Variants in AMPH observed in about 807,000 individuals in gnomAD.
The protein encoded by AMPH is amphiphysin.
A neutral mutation model predicts 99.1 loss-of-function variants in AMPH; 49 were observed. The observed-to-expected ratio is 0.49, with a 90% CI of 0.39 to 0.63. AMPH has a LOEUF of 0.63. Among genes scored for constraint, AMPH ranks in the 20% least tolerant of loss-of-function variants. The probability of loss-of-function intolerance (pLI) is 0.00; values close to 1 mark genes in which losing one functional copy is unlikely to be tolerated. For missense variants in AMPH, 759 were observed against 863.4 expected (o/e 0.88, Z 1.52); for synonymous variants, 314 against 317.3 (o/e 0.99, Z 0.11).
chr7:38,601,291 A>G (rs1342793161), intron 1 of AMPH, among the ~76,000 whole-genome samples: 1 of 152,228 alleles, frequency 6.6e-6, no homozygotes, highest in Non-Finnish European at 1.5e-5. Context: ...GGAAGCCCTC[A>G]TTCCCAAGAA....
intron 1 of AMPH, among the ~76,000 whole-genome samples, chr7:38,569,166 G>T (rs1791851983): frequency 6.6e-6 from 1 of 151,640 alleles, no homozygotes. Flanking sequence ...TGCATCATAT[G>T]AAAGTTGAGA....
At chr7:38,482,344 T>C (rs1788318435) in intron 5 of AMPH, among the ~76,000 whole-genome samples, 1 of 152,126 alleles carries the variant, frequency 6.6e-6, no homozygotes, top group Non-Finnish European at 1.5e-5. Flanking sequence ...TCCAAATCTC[T>C]ACATGGTTCA....
chr7:38,487,582 C>T (rs539661095), intron 5 of AMPH, among the ~76,000 whole-genome samples: 4 of 152,118 alleles, frequency 2.6e-5, no homozygotes, highest in African/African-American at 9.6e-5. Flanking sequence ...AGAAGAAAAC[C>T]TAGGCAATAC....
At chr7:38,525,277 TAGAGAG>T (rs66462162) in intron 2 of AMPH, among the ~76,000 whole-genome samples, 2,495 of 86,564 alleles carry the variant, frequency 0.029, 77 homozygotes, top group African/African-American at 0.093. Flanking sequence ...TATATATATA[TAGAGAG>T]AGAGAGAGAG....
At chr7:38,568,478 T>A (rs758026470) in intron 1 of AMPH, among the ~76,000 whole-genome samples, 1 of 152,036 alleles carries the variant, frequency 6.6e-6, no homozygotes, top group Non-Finnish European at 1.5e-5. Flanking sequence ...AAAAAAAGAA[T>A]CCTTCCTTCT....
intron 17 of AMPH, among the ~76,000 whole-genome samples, chr7:38,402,917 C>CA (rs373953939): frequency 1.1e-4 from 17 of 151,670 alleles, no homozygotes; most frequent in African/African-American, 2.2e-4. Context: ...AAAATGAAAA[C>CA]AAAAAAAACT....
At chr7:38,459,305 A>C (rs1217904968) in intron 11 of AMPH, among the ~76,000 whole-genome samples, 3 of 152,160 alleles carry the variant, frequency 2.0e-5, no homozygotes, top group Non-Finnish European at 4.4e-5. Flanking sequence ...TGCAACGCCT[A>C]CCAAAATACC....
intron 17 of AMPH, among the ~76,000 whole-genome samples, chr7:38,410,858 CAG>C (rs1230724892): frequency 1.3e-5 from 2 of 152,164 alleles, no homozygotes; most frequent in African/African-American, 4.8e-5. Flanking sequence ...TGAGGCTGCA[CAG>C]AGTTTCTGTT....
chr7:38,499,789 G>C (rs962129949), intron 3 of AMPH, among the ~76,000 whole-genome samples: 2 of 152,170 alleles, frequency 1.3e-5, no homozygotes, highest in African/African-American at 4.8e-5. Context: ...TTGTGGGAGG[G>C]ACCTGGTGGG....
chr7:38,464,203 A>C, intron 9 of AMPH: 1 of 1,130,514 alleles, frequency 8.8e-7, no homozygotes, highest in Non-Finnish European at 1.2e-6. Flanking sequence ...TTTTCAGATG[A>C]ATTTGTCCCT....
chr7:38,504,667 C>T (rs2129027824), intron 2 of AMPH, among the ~76,000 whole-genome samples: 1 of 152,292 alleles, frequency 6.6e-6, no homozygotes. Context: ...AGCTATGTTT[C>T]TAGAGCTGCT....
rs1453668474 is a variant in AMPH, at chr7:38,631,330, T to C, written c.22A>G (p.Ile8Val). 15 of 1,556,128 alleles carry C rather than the reference T, an allele frequency of 9.6e-6. No homozygotes were observed. Among genetic ancestry groups the C allele is most frequent in the Non-Finnish European group, 1.2e-5 (14 of 1,152,006 alleles). ...CGCTTCTGGACGTTCTTGGCGAAGATGCCCGTCTTGATGTCGGCCATGGCT... is the reference window on the plus strand; with the variant it reads ...CGCTTCTGGACGTTCTTGGCGAAGACGCCCGTCTTGATGTCGGCCATGGCT... Reference protein sequence around the residue: MADIKTGIFAKNVQKRLN... With the variant: MADIKTGVFAKNVQKRLN... Residue 8 changes from isoleucine to valine, a missense_variant, in exon 1 of 21, where the codon ATC (isoleucine) becomes GTC (valine). Physicochemically the swap from Ile to Val is conservative, Grantham distance 29. Transcript: ENST00000356264.
chr7:38,386,310 C>T (rs1226379660), intron 20 of AMPH, among the ~76,000 whole-genome samples: 1 of 152,060 alleles, frequency 6.6e-6, no homozygotes, highest in Admixed American at 6.5e-5. Flanking sequence ...GGTCATTTTT[C>T]CCCCACAAGT....
intron 19 of AMPH, 144 bp from the exon 20 acceptor site, chr7:38,390,049 G>T: frequency 1.5e-6 from 1 of 646,308 alleles, no homozygotes; most frequent in Non-Finnish European, 2.7e-6. Flanking sequence ...AGCCAGAAGG[G>T]AAGTCCTATT....
At chr7:38,399,279 G>C (rs1784776599) in intron 17 of AMPH, among the ~76,000 whole-genome samples, 1 of 152,186 alleles carries the variant, frequency 6.6e-6, no homozygotes, top group Admixed American at 6.5e-5. Context: ...AACAGAGAAG[G>C]ATCATCCACT....
At position 38,435,709 on chromosome 7, in the gene AMPH, A is replaced by G. The variant is rs1198793870; in HGVS notation, c.1134+563T>C. 2.6e-5 allele frequency among the ~76,000 whole-genome samples: 4 copies of G among 152,306 alleles called. No individual in the cohort carries two copies. In the South Asian group the frequency reaches 8.3e-4, roughly 32 times the overall value. On this transcript the variant is annotated intron_variant, in intron 12 of 20. Transcript: ENST00000356264. ...GAGTGTGAGGGAGTGGTGAGCAAAA[A>G]GGCTTGGGGAAGCAAGGCGACTCTC...
intron 5 of AMPH, among the ~76,000 whole-genome samples, chr7:38,479,358 T>C (rs28862715): frequency 0.042 from 6,337 of 151,920 alleles, 192 homozygotes; most frequent in Non-Finnish European, 0.066. Flanking sequence ...TTTACAAAAG[T>C]GAAGATGAAA....
At chr7:38,538,008 C>T (rs1039399702) in intron 1 of AMPH, among the ~76,000 whole-genome samples, 2 of 152,140 alleles carry the variant, frequency 1.3e-5, no homozygotes, top group African/African-American at 2.4e-5. Flanking sequence ...ACTTGCTCTG[C>T]CAGGAAGACC....
chr7:38,448,753 A>G lies in AMPH; in HGVS notation c.1018-12365T>C, dbSNP rs1040537007. 8.5e-5 allele frequency among the ~76,000 whole-genome samples: 13 copies of G among 152,130 alleles called. 1 individual carries two copies. The highest frequency in any genetic ancestry group is 1.9e-4 in the Non-Finnish European group (13 of 68,020). On this transcript the variant is annotated intron_variant, in intron 11 of 20. Coordinates refer to ENST00000356264, the MANE Select transcript of AMPH (RefSeq NM_001635.4). ...GCAGATCCCTTTACTCACAATCTAG[A>G]CCTATCGATTGTTCTCTCACATTTG...
Sources: allele counts gnomAD v4.1 joint callset (sites outside exome capture counted in the v4.1 genomes callset), GRCh38; gene constraint gnomAD v4.1.1; transcripts MANE v1.5; gene names NCBI Gene and HGNC (gene_info 2026-07-23, HGNC 2026-07-21).